ATAD3A: variants seen among roughly 807,000 people sequenced by gnomAD.
ATAD3A encodes the protein ATPase family AAA domain-containing protein 3A.
In ATAD3A, 46 loss-of-function variants were observed where a neutral mutation model predicts 73.8. That is an observed-to-expected ratio of 0.62 (90% confidence interval 0.49 to 0.80). The LOEUF (loss-of-function observed/expected upper bound fraction) is 0.80. Among genes scored for constraint, ATAD3A ranks in the 30% least tolerant of loss-of-function variants. The probability of loss-of-function intolerance (pLI) is 0.00; values close to 1 mark genes in which losing one functional copy is unlikely to be tolerated. For synonymous variants in ATAD3A, 319 were observed against 350.0 expected (o/e 0.91, Z 0.99); for missense variants, 705 against 838.0 (o/e 0.84, Z 1.96).
Position 1,534,500 on chromosome 1 carries a change from GGGCA to G in ATAD3A, c.*430_*433del, listed in dbSNP as rs1382577944. ...CGCCTGCCAGGGCCAGACCCAGGTG[GGGCA>G]GCCTGAACCCTGCTTCCCCCTGTGG... On this transcript the variant is annotated 3_prime_UTR_variant, in exon 16 of 16. Transcript: ENST00000378756. The G allele has an allele frequency of 1.2e-6, 1 of 813,552 alleles. No homozygotes were observed. The highest frequency in any genetic ancestry group is 1.8e-5 in the African/African-American group (1 of 56,812). 50.4% of individuals were successfully genotyped at this position (813,552 alleles called of 1,614,324 possible). A position where few individuals can be genotyped will look rare whatever the true frequency, so the allele number is the denominator to read the frequency against.
chr1:1,520,206 C>T lies in ATAD3A; in HGVS notation c.580C>T (p.Arg194Trp), dbSNP rs182976525. 1,156 of 1,612,056 alleles carry T rather than the reference C, an allele frequency of 7.2e-4. 2 individuals carry two copies. The East Asian group carries it at 8.4e-3, about 12-fold the overall frequency. Residue 194 changes from arginine to tryptophan, a missense_variant, in exon 6 of 16, where the codon CGG becomes TGG. Physicochemically the swap from Arg to Trp is moderately radical, Grantham distance 101 (BLOSUM62 -3). This residue lies in a region of ATAD3A where 315 missense variants were observed against 334.1 expected (regional missense o/e 0.94). Transcript: ENST00000378756. The surrounding 1 kb of genome is among the most constrained non-coding windows in gnomAD (Gnocchi z 4.0). Reference protein sequence around the residue: ...NEMLRVEAEARARAKAERENA... With the variant: ...NEMLRVEAEAWARAKAERENA... ...GATGCTGCGAGTGGAGGCCGAGGCC[C>T]GGGCGCGCGCCAAGGCCGAGCGGGA...
intron 12 of ATAD3A, among the ~76,000 whole-genome samples, chr1:1,525,547 TG>T (rs925551174): frequency 6.6e-6 from 1 of 151,448 alleles, no homozygotes; most frequent in African/African-American, 2.4e-5. Context: ...CCCAAGTAGC[TG>T]GGACTACAGG....
At chr1:1,518,621 A>ACACC (rs1553125091) in intron 4 of ATAD3A, among the ~76,000 whole-genome samples, 152 of 38,092 alleles carry the variant, frequency 4.0e-3, no homozygotes, top group African/African-American at 0.027. Flanking sequence ...GGGCGTACAC[A>ACACC]CCCCCCCCCA....
At chr1:1,529,637 T>C (rs1399479574) in intron 15 of ATAD3A, among the ~76,000 whole-genome samples, 7 of 152,210 alleles carry the variant, frequency 4.6e-5, no homozygotes, top group Non-Finnish European at 8.8e-5. Context: ...CTTCTGACTC[T>C]CACCTTGGCC....
At position 1,529,261 on chromosome 1, in the gene ATAD3A, G is replaced by A; in HGVS notation, c.1544G>A (p.Cys515Tyr). 1.2e-6 allele frequency: 2 copies of A among 1,608,854 alleles called. No individual in the cohort carries two copies. Among genetic ancestry groups the A allele is most frequent in the Non-Finnish European group, 1.7e-6 (2 of 1,178,426 alleles). The stretch of plus-strand genomic sequence containing the variant: ...GCCCAGTTTGACTACGGGAGGAAGT[G>A]CTCGGAGGTCGCTCGGCTGACGGAG... ...KLAQFDYGRKCSEVARLTEGM... is the reference protein window; with the variant it reads ...KLAQFDYGRKYSEVARLTEGM... The change falls in exon 15 of 16, where the codon TGC (cysteine) becomes TAC (tyrosine). Residue 515 changes from cysteine (C) to tyrosine (Y), a missense_variant. Cys to Tyr is a radical substitution (Grantham distance 194). Transcript: ENST00000378756.
Position 1,520,641 on chromosome 1 carries a change from C to T in ATAD3A, c.750+24C>T, listed in dbSNP as rs1251291429. 1.9e-6 allele frequency: 3 copies of T among 1,613,148 alleles called. No individual in the cohort carries two copies. Among genetic ancestry groups the T allele is most frequent in the Non-Finnish European group, 2.5e-6 (3 of 1,179,868 alleles). On this transcript the variant is annotated intron_variant, in intron 7 of 15. Coordinates refer to ENST00000378756, the MANE Select transcript of ATAD3A (RefSeq NM_001170535.3). This position sits in a 1 kb window ranked among gnomAD's most constrained non-coding sequence, Gnocchi z 4.0. ...CGGTAAACATACTCATAAAACAGGG[C>T]TGGCAGGTGGCTGAGGGGCAGCATG...
intron 7 of ATAD3A, among the ~76,000 whole-genome samples, chr1:1,521,588 C>G (rs1379686243): frequency 6.6e-6 from 1 of 152,242 alleles, no homozygotes. Flanking sequence ...GACTGCAGCG[C>G]CTGCCGGTGG....
At chr1:1,531,669 T>C (rs573771653) in intron 15 of ATAD3A, among the ~76,000 whole-genome samples, 2 of 150,290 alleles carry the variant, frequency 1.3e-5, no homozygotes, top group South Asian at 2.1e-4. Context: ...TCCCAGCTAC[T>C]TGGGAGGCTG....
chr1:1,515,721 C>T (rs1258446075), intron 1 of ATAD3A, among the ~76,000 whole-genome samples: 6 of 152,208 alleles, frequency 3.9e-5, no homozygotes, highest in African/African-American at 1.2e-4. Context: ...GCCTGACTTT[C>T]TGTTGAATTG....
At position 1,523,722 on chromosome 1, in the gene ATAD3A, C is replaced by G; in HGVS notation, c.964-117C>G. 6.3e-7 allele frequency: 1 copy of G among 1,588,984 alleles called. No individual in the cohort carries two copies. Among genetic ancestry groups the G allele is most frequent in the Non-Finnish European group, 8.6e-7 (1 of 1,166,058 alleles). On this transcript the variant is annotated intron_variant, in intron 9 of 15. Transcript: ENST00000378756. The surrounding 1 kb of genome is among the most constrained non-coding windows in gnomAD (Gnocchi z 5.1). Reference sequence around the variant, plus strand: ...CGTGCTGGGGATAGATAGGCTGCCCCTGAGGTGGGAGGCTTCCCGAGGAGC... The same window carrying G: ...CGTGCTGGGGATAGATAGGCTGCCCGTGAGGTGGGAGGCTTCCCGAGGAGC...
chr1:1,521,102 C>T (rs932139727), intron 7 of ATAD3A, among the ~76,000 whole-genome samples: 4 of 151,714 alleles, frequency 2.6e-5, no homozygotes, highest in African/African-American at 9.7e-5. Context: ...TCGAGACCAT[C>T]CTGGCTAACA....
chr1:1,533,880 G>A, intron 15 of ATAD3A, 46 bp from the exon 16 acceptor site: 4 of 1,596,914 alleles, frequency 2.5e-6, no homozygotes, highest in Non-Finnish European at 3.4e-6. Flanking sequence ...ATTTGGGGTG[G>A]GGGGTTCCCA....
intron 15 of ATAD3A, among the ~76,000 whole-genome samples, chr1:1,531,086 A>G (rs1381241872): frequency 6.6e-6 from 1 of 152,094 alleles, no homozygotes; most frequent in Non-Finnish European, 1.5e-5. Flanking sequence ...TGAATCCAGG[A>G]GGCGGAGGAT....
rs949825610 is a variant in ATAD3A, at chr1:1,525,152, G to T, written c.1215-88G>T. Reference sequence around the variant, plus strand: ...AGCCTGACCCCGTGGGGATCTGCCTGCTTGGCCTGCTCCTGCCGCGGCCGG... The same window carrying T: ...AGCCTGACCCCGTGGGGATCTGCCTTCTTGGCCTGCTCCTGCCGCGGCCGG... On this transcript the variant is annotated intron_variant, in intron 11 of 15. Coordinates refer to ENST00000378756, the MANE Select transcript of ATAD3A (RefSeq NM_001170535.3). 1.1e-5 allele frequency: 17 copies of T among 1,567,924 alleles called. No individual in the cohort carries two copies. In the African/African-American group the frequency reaches 2.0e-4, roughly 19 times the overall value.
In ATAD3A at chr1:1,512,459, A is replaced by C. The variant is rs953298933; in HGVS notation, c.191A>C (p.Glu64Ala). The change falls in exon 1 of 16, where the codon GAG (glutamate) becomes GCG (alanine). Residue 64 changes from glutamate (E) to alanine (A), a missense_variant. Glu to Ala is a moderately radical substitution (Grantham distance 107). Transcript: ENST00000378756. ...GAGCGCGCCGCCAAGGCGGCGCGCG[A>C]GCTGGAGCACTCGCGTGAGTGCGGC... is the stretch of plus-strand genomic sequence containing the variant. ...GLERAAKAAR[E>A]LEHSRYAKDA... The C allele has an allele frequency of 3.4e-6, 4 of 1,185,262 alleles. No homozygotes were observed. The highest frequency in any genetic ancestry group is 4.2e-6 in the Non-Finnish European group (4 of 959,274). 73.4% of individuals were successfully genotyped at this position (1,185,262 alleles called of 1,614,324 possible). A position where few individuals can be genotyped will look rare whatever the true frequency, so the allele number is the denominator to read the frequency against.
chr1:1,534,401 A>AC lies in ATAD3A; in HGVS notation c.*329_*330insC, dbSNP rs1642154560. Reference sequence around the variant, plus strand: ...CCACTGTGAGGGTGGGTGCTGGCTGAGCCCCCGGGGCAGCAGGAGCCAGGC... The same window carrying AC: ...CCACTGTGAGGGTGGGTGCTGGCTGACGCCCCCGGGGCAGCAGGAGCCAGGC... On this transcript the variant is annotated 3_prime_UTR_variant, in exon 16 of 16. Transcript: ENST00000378756. 1 of 1,316,908 alleles carries AC rather than the reference A, an allele frequency of 7.6e-7. No homozygotes were observed. The highest frequency in any genetic ancestry group is 9.7e-7 in the Non-Finnish European group (1 of 1,030,646). 81.6% of individuals were successfully genotyped at this position (1,316,908 alleles called of 1,614,324 possible).
At chr1:1,525,156 G>C in intron 11 of ATAD3A, 84 bp from the exon 12 acceptor site, 6 of 1,576,976 alleles carry the variant, frequency 3.8e-6, no homozygotes, top group South Asian at 3.3e-5. Flanking sequence ...CTGCCTGCTT[G>C]GCCTGCTCCT....
chr1:1,520,604 A>G lies in ATAD3A; in HGVS notation c.737A>G (p.Lys246Arg), dbSNP rs763325515. Reference protein sequence around the residue: ...GFRAFVTDWDKVTATVAGLTL... With the variant: ...GFRAFVTDWDRVTATVAGLTL... The stretch of plus-strand genomic sequence containing the variant: ...CGTGCCTTTGTGACAGACTGGGACA[A>G]AGTGACAGCCACGGTAAACATACTC... Residue 246 changes from lysine to arginine, a missense_variant, in exon 7 of 16, where the codon AAA (lysine) becomes AGA (arginine). Lys to Arg is a conservative substitution (Grantham distance 26). Around this residue, in one of 5 missense-constraint regions of ATAD3A, gnomAD observed 315 missense variants for 334.1 expected, o/e 0.94. Transcript: ENST00000378756. The surrounding 1 kb of genome is among the most constrained non-coding windows in gnomAD (Gnocchi z 4.0). 3.7e-6 allele frequency: 6 copies of G among 1,613,620 alleles called. No homozygotes were observed. Among genetic ancestry groups the G allele is most frequent in the Non-Finnish European group, 5.1e-6 (6 of 1,179,878 alleles).
intron 13 of ATAD3A, among the ~76,000 whole-genome samples, chr1:1,526,746 G>A (rs1641861257): frequency 6.6e-6 from 1 of 152,234 alleles, no homozygotes; most frequent in East Asian, 1.9e-4. Flanking sequence ...GCAGAGCTGG[G>A]GTCAGTCCTG....
Sources: gnomAD v4.1 joint callset for allele counts (sites outside exome capture counted in the v4.1 genomes callset) on GRCh38, gnomAD v4.1.1 for gene constraint, gnomAD v4.1.1 regional missense constraint, Gnocchi (gnomAD v3.1) non-coding constraint, MANE v1.5 for transcripts, NCBI Gene and HGNC (gene_info 2026-07-23, HGNC 2026-07-21) for gene names.